TOMM70: variants seen among roughly 807,000 people sequenced by gnomAD.
TOMM70 encodes translocase of outer mitochondrial membrane 70, also known as mitochondrial import receptor subunit TOM70.
A neutral mutation model predicts 73.6 loss-of-function variants in TOMM70; 13 were observed. That is an observed-to-expected ratio of 0.18 (90% CI 0.11 to 0.28). The LOEUF (loss-of-function observed/expected upper bound fraction) is 0.28. Among genes scored for constraint, TOMM70 ranks in the 10% least tolerant of loss-of-function variants. The pLI is 1.00. For missense variants in TOMM70, 609 were observed against 747.5 expected (o/e 0.81, Z 2.16); for synonymous variants, 257 against 271.2 (o/e 0.95, Z 0.51).
intron 1 of TOMM70, among the ~76,000 whole-genome samples, chr3:100,399,450 T>C (rs1706863774): frequency 6.6e-6 from 1 of 152,170 alleles, no homozygotes; most frequent in South Asian, 2.1e-4. Context: ...CTTACTCTGG[T>C]ACTACCATTG....
In TOMM70 at chr3:100,365,633, T is replaced by C; in HGVS notation, c.1758A>G (p.Ser586=). The stretch of plus-strand genomic sequence containing the variant: ...TCTGGGCATGGGCGGCATCGCAAAG[T>C]GAATACAGATGGGCCATCTCCATTT... ...KSEMEMAHLY[S]LCDAAHAQTE... is the part of the protein sequence containing the mutation. The change falls in exon 12 of 12, where the codon TCA becomes TCG. Residue 586 remains serine, a synonymous_variant. Coordinates refer to ENST00000284320, the MANE Select transcript of TOMM70 (RefSeq NM_014820.5). The C allele has an allele frequency of 6.2e-7, 1 of 1,614,230 alleles. No homozygotes were observed. Among genetic ancestry groups the C allele is most frequent in the Non-Finnish European group, 8.5e-7 (1 of 1,180,024 alleles).
At chr3:100,393,829 G>T (rs909041938) in intron 1 of TOMM70, among the ~76,000 whole-genome samples, 1 of 152,142 alleles carries the variant, frequency 6.6e-6, no homozygotes, top group Non-Finnish European at 1.5e-5. Context: ...GGCTACTCAT[G>T]AGAATCCGCT....
At chr3:100,368,277 A>T (rs774537650) in intron 10 of TOMM70, 111 bp from the exon 11 acceptor site, 1 of 1,308,814 alleles carries the variant, frequency 7.6e-7, no homozygotes, top group Non-Finnish European at 1.0e-6. Flanking sequence ...GTTAACTTAT[A>T]ACTTATAAGG....
At position 100,401,046 on chromosome 3, in the gene TOMM70, G is replaced by A; in HGVS notation, c.-97C>T. On this transcript the variant is annotated 5_prime_UTR_variant, in exon 1 of 12. Transcript: ENST00000284320. ...GACCGAGGGAGGGAAGGAAAGCAATGAGCGAGCGAGCACGCTAGGCAGAGA... is the reference window on the plus strand; with the variant it reads ...GACCGAGGGAGGGAAGGAAAGCAATAAGCGAGCGAGCACGCTAGGCAGAGA... 2.4e-6 allele frequency: 3 copies of A among 1,266,900 alleles called. No homozygotes were observed. The highest frequency in any genetic ancestry group is 3.3e-6 in the Non-Finnish European group (3 of 913,274). 78.5% of individuals were successfully genotyped at this position (1,266,900 alleles called of 1,614,324 possible). A position where few individuals can be genotyped will look rare whatever the true frequency, so the allele number is the denominator to read the frequency against.
At chr3:100,389,586 AGTT>A (rs1013632191) in intron 1 of TOMM70, among the ~76,000 whole-genome samples, 4 of 152,234 alleles carry the variant, frequency 2.6e-5, no homozygotes, top group African/African-American at 9.6e-5. Flanking sequence ...GAATGTAAAA[AGTT>A]GTGGAAGGTG....
intron 1 of TOMM70, among the ~76,000 whole-genome samples, chr3:100,388,243 C>A (rs561315717): frequency 6.6e-6 from 1 of 152,236 alleles, no homozygotes; most frequent in East Asian, 1.9e-4. Flanking sequence ...CACAAAACAC[C>A]CACAATAAAG....
At chr3:100,395,221 T>G (rs1706809515) in intron 1 of TOMM70, among the ~76,000 whole-genome samples, 1 of 151,904 alleles carries the variant, frequency 6.6e-6, no homozygotes, top group African/African-American at 2.4e-5. Context: ...TACAAAAAAT[T>G]AGCAGGGTGT....
intron 1 of TOMM70, among the ~76,000 whole-genome samples, chr3:100,396,813 C>T (rs2148895385): frequency 6.6e-6 from 1 of 152,174 alleles, no homozygotes; most frequent in South Asian, 2.1e-4. Context: ...TCAGTGATAC[C>T]CCAATATTCC....
At chr3:100,392,683 G>A (rs1381949609) in intron 1 of TOMM70, among the ~76,000 whole-genome samples, 2 of 151,980 alleles carry the variant, frequency 1.3e-5, no homozygotes, top group Admixed American at 1.3e-4. Flanking sequence ...CTCCCAAAGT[G>A]TTGGGATTAC....
chr3:100,377,864 A>T lies in TOMM70; in HGVS notation c.933T>A (p.Asp311Glu). 6.2e-7 allele frequency: 1 copy of T among 1,614,162 alleles called. No homozygotes were observed. The highest frequency in any genetic ancestry group is 8.5e-7 in the Non-Finnish European group (1 of 1,180,036). Residue 311 changes from aspartate (D) to glutamate (E), a missense_variant, in exon 6 of 12, where the codon GAT becomes GAA. Transcript: ENST00000284320. The part of the protein sequence containing the change: ...AKQYMEEENY[D>E]KIISECSKEI... ...CTTTTGAGCATTCACTTATGATTTT[A>T]TCGTAGTTTTCTTCTTCCATATACT...
At chr3:100,381,480 A>T in intron 5 of TOMM70, 135 bp downstream of exon 5, 1 of 396,870 alleles carries the variant, frequency 2.5e-6, no homozygotes, top group Non-Finnish European at 4.0e-6. Context: ...TATAATTTTT[A>T]ATTATATTTC....
chr3:100,387,600 AC>A, intron 1 of TOMM70, among the ~76,000 whole-genome samples: 1 of 40,102 alleles, frequency 2.5e-5, no homozygotes, highest in African/African-American at 2.6e-4. Flanking sequence ...ACAGACACAG[AC>A]ACACACACAC....
At chr3:100,395,771 T>C (rs1054208637) in intron 1 of TOMM70, among the ~76,000 whole-genome samples, 2 of 152,144 alleles carry the variant, frequency 1.3e-5, no homozygotes, top group African/African-American at 4.8e-5. Context: ...TGCACCTGTA[T>C]TAGGTTCTGG....
chr3:100,374,922 T>C (rs1706546015), intron 7 of TOMM70, 96 bp downstream of exon 7: 24 of 1,365,224 alleles, frequency 1.8e-5, no homozygotes, highest in Non-Finnish European at 2.2e-5. Context: ...TCAGAAATTA[T>C]ATAAGAAAAC....
intron 11 of TOMM70, among the ~76,000 whole-genome samples, chr3:100,366,727 G>T (rs1013870569): frequency 1.3e-5 from 2 of 152,122 alleles, no homozygotes; most frequent in African/African-American, 2.4e-5. Flanking sequence ...TTCAATTAAC[G>T]TGAACAAAAT....
intron 5 of TOMM70, among the ~76,000 whole-genome samples, chr3:100,380,821 A>G (rs1467128903): frequency 6.6e-6 from 1 of 152,212 alleles, no homozygotes; most frequent in Non-Finnish European, 1.5e-5. Context: ...TAAAAGGTCA[A>G]TAGCAATGGT....
intron 4 of TOMM70, among the ~76,000 whole-genome samples, chr3:100,383,425 A>C (rs1706657899): frequency 6.6e-6 from 1 of 151,976 alleles, no homozygotes; most frequent in South Asian, 2.1e-4. Context: ...TGGGAGACTG[A>C]GGAACGAGAA....
chr3:100,394,403 CA>C (rs1706798222), intron 1 of TOMM70, among the ~76,000 whole-genome samples: 1 of 146,616 alleles, frequency 6.8e-6, no homozygotes, highest in Admixed American at 7.0e-5. Flanking sequence ...CTCTGTCGCC[CA>C]GGGGGGCACG....
At chr3:100,381,953 C>G (rs936240606) in intron 4 of TOMM70, among the ~76,000 whole-genome samples, 190 bp from the exon 5 acceptor site, 2 of 152,186 alleles carry the variant, frequency 1.3e-5, no homozygotes, top group Non-Finnish European at 2.9e-5. Context: ...CTGTTTAAAG[C>G]TGGTTTTAAA....
Sources: allele counts gnomAD v4.1 joint callset (sites outside exome capture counted in the v4.1 genomes callset), GRCh38; gene constraint gnomAD v4.1.1; transcripts MANE v1.5; gene names NCBI Gene and HGNC (gene_info 2026-07-23, HGNC 2026-07-21).